Variants in NR3C1 observed in about 807,000 individuals in gnomAD.
The protein encoded by NR3C1 is nuclear receptor subfamily 3 group C member 1.
In NR3C1, 14 loss-of-function variants were observed where a neutral mutation model predicts 74.0. That is an observed-to-expected ratio of 0.19 (90% confidence interval 0.12 to 0.30). The LOEUF (loss-of-function observed/expected upper bound fraction) is 0.30. Among genes scored for constraint, NR3C1 ranks in the 10% least tolerant of loss-of-function variants. The probability of loss-of-function intolerance (pLI) is 1.00; values close to 1 mark genes in which losing one functional copy is unlikely to be tolerated. For synonymous variants in NR3C1, 308 were observed against 332.5 expected, an observed-to-expected ratio of 0.93 and a Z score of 0.80; for missense variants, 695 against 909.8, an observed-to-expected ratio of 0.76 and a Z score of 3.04.
chr5:143,405,849 T>C (rs1841080306), upstream of NR3C1, among the ~76,000 whole-genome samples: 1 of 152,112 alleles, frequency 6.6e-6, no homozygotes, highest in Non-Finnish European at 1.5e-5. Context: ...CTTTGGATGC[T>C]CATCTGTGAG....
chr5:143,312,023 T>C (rs1821095435), intron 3 of NR3C1, among the ~76,000 whole-genome samples: 1 of 152,170 alleles, frequency 6.6e-6, no homozygotes, highest in African/African-American at 2.4e-5. Context: ...CTGTGTCTTC[T>C]ACTACTTGGT....
At chr5:143,409,451 CGTGTATTGTGTACAT>C (rs1841224045) in intron 1 of NR3C1, among the ~76,000 whole-genome samples, 1 of 152,134 alleles carries the variant, frequency 6.6e-6, no homozygotes, top group East Asian at 1.9e-4. Flanking sequence ...ACCATGTATA[CGTGTATTGTGTACAT>C]GTGTATTGTG....
intron 2 of NR3C1, among the ~76,000 whole-genome samples, chr5:143,345,477 C>T (rs775001776): frequency 1.1e-4 from 17 of 151,966 alleles, no homozygotes; most frequent in Non-Finnish European, 1.8e-4. Context: ...CCCAAAGTGC[C>T]GGGATTACAG....
intron 2 of NR3C1, among the ~76,000 whole-genome samples, chr5:143,344,739 G>A (rs1451163506): frequency 6.6e-6 from 1 of 152,068 alleles, no homozygotes; most frequent in Non-Finnish European, 1.5e-5. Flanking sequence ...CAGGTGTGGT[G>A]GCGGGCGCCT....
At chr5:143,299,675 A>G (rs979555803) in intron 5 of NR3C1, among the ~76,000 whole-genome samples, 2 of 152,228 alleles carry the variant, frequency 1.3e-5, no homozygotes, top group South Asian at 4.1e-4. Context: ...TACACGTTGT[A>G]TGCTTTTATT....
At position 143,362,562 on chromosome 5, in the gene NR3C1, C is replaced by T. The variant is rs1048564600; in HGVS notation, c.1184+37094G>A. On this transcript the variant is annotated intron_variant, in intron 2 of 8. Coordinates refer to ENST00000394464, the MANE Select transcript of NR3C1 (RefSeq NM_000176.3). Reference sequence around the variant, plus strand: ...TTTTTTAGTAGAGACAGGGTTTCACCGTGTTAGCCAGGATGGTCTCAATCT... The same window carrying T: ...TTTTTTAGTAGAGACAGGGTTTCACTGTGTTAGCCAGGATGGTCTCAATCT... Among the ~76,000 whole-genome samples the T allele has an allele frequency of 2.6e-4, 39 of 151,978 alleles. 1 individual carries two copies. The highest frequency in any genetic ancestry group is 2.1e-4 in the South Asian group (1 of 4,812).
chr5:143,366,990 T>C (rs1487979931), intron 2 of NR3C1, among the ~76,000 whole-genome samples: 1 of 152,144 alleles, frequency 6.6e-6, no homozygotes, highest in Non-Finnish European at 1.5e-5. Flanking sequence ...ATATCCCTTA[T>C]AAATATAAAT....
At chr5:143,345,502 G>C (rs942490329) in intron 2 of NR3C1, among the ~76,000 whole-genome samples, 4 of 152,208 alleles carry the variant, frequency 2.6e-5, no homozygotes, top group African/African-American at 9.7e-5. Context: ...GAGCCACTGT[G>C]CCTGGCCTAC....
intron 4 of NR3C1, among the ~76,000 whole-genome samples, chr5:143,307,878 C>A (rs1279730920): frequency 6.6e-6 from 1 of 152,096 alleles, no homozygotes; most frequent in Non-Finnish European, 1.5e-5. Flanking sequence ...AAATAAACTA[C>A]CCTTGTGGAA....
chr5:143,338,899 C>G (rs879392707), intron 2 of NR3C1, among the ~76,000 whole-genome samples: 1 of 152,174 alleles, frequency 6.6e-6, no homozygotes, highest in Non-Finnish European at 1.5e-5. Context: ...TCACAGTAAG[C>G]ACCTATACAG....
intron 2 of NR3C1, among the ~76,000 whole-genome samples, chr5:143,373,442 T>C (rs1834574195): frequency 1.5e-5 from 2 of 130,022 alleles, no homozygotes; most frequent in Admixed American, 1.6e-4. Context: ...AAAAACAAGT[T>C]ATAAAGACTA....
At chr5:143,373,526 G>T (rs1834592704) in intron 2 of NR3C1, among the ~76,000 whole-genome samples, 1 of 152,030 alleles carries the variant, frequency 6.6e-6, no homozygotes, top group South Asian at 2.1e-4. Context: ...ACGAGTTGAT[G>T]GGTGCAGCAA....
chr5:143,356,695 A>G (rs1444659023), intron 2 of NR3C1, among the ~76,000 whole-genome samples: 1 of 151,802 alleles, frequency 6.6e-6, no homozygotes, highest in East Asian at 1.9e-4. Flanking sequence ...TCTCAAAAAA[A>G]AAAACACACG....
chr5:143,384,777 G>A (rs1247906877), intron 2 of NR3C1, among the ~76,000 whole-genome samples: 1 of 152,212 alleles, frequency 6.6e-6, no homozygotes, highest in Non-Finnish European at 1.5e-5. Context: ...AGTGCCTACA[G>A]CTTTTCCAGG....
At chr5:143,348,936 T>C (rs1029961759) in intron 2 of NR3C1, among the ~76,000 whole-genome samples, 7 of 152,140 alleles carry the variant, frequency 4.6e-5, no homozygotes, top group African/African-American at 1.7e-4. Context: ...AAGGAAAACA[T>C]CTGAATAATT....
At chr5:143,303,570 TAA>T (rs1293531053) in intron 4 of NR3C1, among the ~76,000 whole-genome samples, 2 of 152,172 alleles carry the variant, frequency 1.3e-5, no homozygotes, top group African/African-American at 4.8e-5. Context: ...GCCTCATCCC[TAA>T]CTTATTCTAC....
chr5:143,414,279 A>G (rs767030144), intron 1 of NR3C1, among the ~76,000 whole-genome samples: 1 of 152,176 alleles, frequency 6.6e-6, no homozygotes, highest in Non-Finnish European at 1.5e-5. Flanking sequence ...TATGATTCCA[A>G]CAATATGATG....
At chr5:143,282,193 A>G in intron 8 of NR3C1, 152 bp from the exon 9 acceptor site, 1 of 764,842 alleles carries the variant, frequency 1.3e-6, no homozygotes, top group Non-Finnish European at 2.2e-6. Flanking sequence ...CTTCCGTACA[A>G]AACACATTTT....
At chr5:143,336,786 T>G (rs536257397) in intron 2 of NR3C1, among the ~76,000 whole-genome samples, 1 of 150,334 alleles carries the variant, frequency 6.7e-6, no homozygotes, top group African/African-American at 2.4e-5. Flanking sequence ...GGAGTTCAAG[T>G]CCAGCCTGTC....
Sources: gnomAD v4.1 joint callset for allele counts (sites outside exome capture counted in the v4.1 genomes callset) on GRCh38, gnomAD v4.1.1 for gene constraint, MANE v1.5 for transcripts, NCBI Gene and HGNC (gene_info 2026-07-23, HGNC 2026-07-21) for gene names.